Variants in TOP1MT observed in about 807,000 individuals in gnomAD.
TOP1MT encodes DNA topoisomerase I, mitochondrial.
In TOP1MT, 80 loss-of-function variants were observed where a neutral mutation model predicts 73.9. The observed-to-expected ratio is 1.08, with a 90% CI of 0.90 to 1.30. The LOEUF (loss-of-function observed/expected upper bound fraction) is 1.30, where lower values mean the gene tolerates loss of function less well. Among genes scored for constraint, TOP1MT ranks in the 50% most tolerant of loss-of-function variants. The pLI is 0.00. For missense variants in TOP1MT, 815 were observed against 808.0 expected (o/e 1.01, Z -0.10); for synonymous variants, 338 against 326.4 (o/e 1.04, Z -0.38).
chr8:143,350,911 C>T (rs1817308854), intron 1 of TOP1MT, among the ~76,000 whole-genome samples: 1 of 152,144 alleles, frequency 6.6e-6, no homozygotes, highest in South Asian at 2.1e-4. Context: ...TTGAGTCTGG[C>T]TCCTGGGTCC....
upstream of TOP1MT, among the ~76,000 whole-genome samples, chr8:143,335,611 C>T (rs989189212): frequency 2.6e-5 from 4 of 152,252 alleles, no homozygotes; most frequent in Non-Finnish European, 1.5e-5. Context: ...CAGCACTTGG[C>T]GGTAGGCCCT....
At chr8:143,321,544 C>CCA (rs1348281116) in intron 7 of TOP1MT, among the ~76,000 whole-genome samples, 158 bp from the exon 8 acceptor site, 36 of 112,408 alleles carry the variant, frequency 3.2e-4, no homozygotes, top group African/African-American at 1.0e-3. Context: ...CACACGCACG[C>CCA]CACACACGCA....
chr8:143,317,681 C>T (rs1243361452), intron 10 of TOP1MT, 42 bp downstream of exon 10: 6 of 1,446,358 alleles, frequency 4.1e-6, no homozygotes, highest in Non-Finnish European at 4.6e-6. Flanking sequence ...GGGCAGGGGC[C>T]GTGCTCCCCC....
chr8:143,325,975 G>A lies in TOP1MT; in HGVS notation c.483+247C>T, dbSNP rs976111472. Reference sequence around the variant, plus strand: ...AAGCCCCGCCCTCAGCCCACGGCCCGTCTGGGAACCCACCCTTGATCAATG... The same window carrying A: ...AAGCCCCGCCCTCAGCCCACGGCCCATCTGGGAACCCACCCTTGATCAATG... On this transcript the variant is annotated intron_variant, in intron 4 of 13. Coordinates refer to ENST00000329245, the MANE Select transcript of TOP1MT (RefSeq NM_052963.3). Among the ~76,000 whole-genome samples, 12 of 152,210 alleles carry A rather than the reference G, an allele frequency of 7.9e-5. No individual in the cohort carries two copies. In the East Asian group the frequency reaches 9.6e-4, roughly 12 times the overall value.
intron 9 of TOP1MT, 72 bp from the exon 10 acceptor site, chr8:143,317,909 G>T: frequency 6.3e-7 from 1 of 1,594,994 alleles, no homozygotes; most frequent in South Asian, 1.1e-5. Flanking sequence ...GGAAGGAAAG[G>T]ACATGTCAGC....
chr8:143,329,066 A>T (rs1163950359), intron 3 of TOP1MT, among the ~76,000 whole-genome samples: 1 of 152,122 alleles, frequency 6.6e-6, no homozygotes, highest in African/African-American at 2.4e-5. Flanking sequence ...AAGGACCACA[A>T]ATCGGCCTCC....
chr8:143,325,598 G>C, intron 4 of TOP1MT, 65 bp from the exon 5 acceptor site: 1 of 1,490,050 alleles, frequency 6.7e-7, no homozygotes. Flanking sequence ...TCAGTCCGTT[G>C]TTGCTAACCC....
At chr8:143,321,453 A>ACC (rs1816348001) in intron 7 of TOP1MT, 67 bp from the exon 8 acceptor site, 1 of 790,314 alleles carries the variant, frequency 1.3e-6, no homozygotes, top group Admixed American at 6.1e-5. Context: ...CGCACGCCAC[A>ACC]CACACGCACG....
At chr8:143,358,390 A>T (rs1364762894), upstream of TOP1MT, among the ~76,000 whole-genome samples, 1 of 152,112 alleles carries the variant, frequency 6.6e-6, no homozygotes, top group Non-Finnish European at 1.5e-5. Context: ...CCCTGTTCTG[A>T]TCCTGGGCTG....
chr8:143,309,984 A>G (rs2129804139), intron 13 of TOP1MT, 84 bp downstream of exon 13: 1 of 1,597,546 alleles, frequency 6.3e-7, no homozygotes, highest in Non-Finnish European at 8.5e-7. Context: ...GACAAGGGCA[A>G]TGCTGGGACT....
chr8:143,311,170 T>G (rs906179683), intron 12 of TOP1MT, among the ~76,000 whole-genome samples: 1 of 147,086 alleles, frequency 6.8e-6, no homozygotes, highest in Non-Finnish European at 1.5e-5. Context: ...GGTTTCACCA[T>G]GTTGGCCATG....
intron 6 of TOP1MT, 99 bp from the exon 7 acceptor site, chr8:143,324,241 C>T: frequency 1.3e-6 from 2 of 1,520,516 alleles, no homozygotes; most frequent in Non-Finnish European, 1.8e-6. Flanking sequence ...TGCTTCTCCA[C>T]TCAGTGGTGC....
intron 2 of TOP1MT, chr8:143,343,149 A>G (rs1817161988): frequency 2.2e-6 from 1 of 455,866 alleles, no homozygotes; most frequent in Non-Finnish European, 4.4e-6. Flanking sequence ...AGCATTCATC[A>G]GGCATGAGTG....
At chr8:143,352,679 T>C (rs1817341245) in intron 1 of TOP1MT, among the ~76,000 whole-genome samples, 1 of 152,204 alleles carries the variant, frequency 6.6e-6, no homozygotes, top group South Asian at 2.1e-4. Flanking sequence ...CAGGCTGCAG[T>C]AAAGTGGCAC....
In TOP1MT at chr8:143,323,879, C is replaced by T. The variant is rs532840301; in HGVS notation, c.960+120G>A. On this transcript the variant is annotated intron_variant, in intron 7 of 13. Coordinates refer to ENST00000329245, the MANE Select transcript of TOP1MT (RefSeq NM_052963.3). ...CGTGTGCACATGCACACACCCCCCC[C>T]ATCAGAATGAGGTTCCACCCCACAC... is the stretch of plus-strand genomic sequence containing the variant. The T allele has an allele frequency of 4.5e-6, 5 of 1,103,420 alleles. No individual in the cohort carries two copies. The East Asian group carries it at 1.2e-4, about 26-fold the overall frequency. 68.4% of individuals were successfully genotyped at this position (1,103,420 alleles called of 1,614,324 possible). A position where few individuals can be genotyped will look rare whatever the true frequency, so the allele number is the denominator to read the frequency against.
intron 7 of TOP1MT, among the ~76,000 whole-genome samples, chr8:143,321,804 G>A (rs191892349): frequency 0.11 from 2,255 of 21,196 alleles, 180 homozygotes; most frequent in East Asian, 0.33. Flanking sequence ...CGCCACACAC[G>A]CACGCTACAC....
chr8:143,311,741 C>CT (rs1816019892), intron 12 of TOP1MT, among the ~76,000 whole-genome samples: 1 of 72,964 alleles, frequency 1.4e-5, no homozygotes, highest in African/African-American at 5.6e-5. Flanking sequence ...GTGAGAGACT[C>CT]TGTGTCAAAA....
intron 2 of TOP1MT, among the ~76,000 whole-genome samples, chr8:143,342,144 TTATTA>T (rs1240836929): frequency 7.6e-6 from 1 of 131,868 alleles, no homozygotes; most frequent in Non-Finnish European, 1.5e-5. Context: ...GTTATTATTA[TTATTA>T]TTAGAGACAG....
upstream of TOP1MT, among the ~76,000 whole-genome samples, chr8:143,345,607 A>G (rs1313847024): frequency 6.6e-6 from 1 of 152,258 alleles, no homozygotes; most frequent in Non-Finnish European, 1.5e-5. Context: ...AAATTAAAAT[A>G]CAGATAAGGC....
Sources: gnomAD v4.1 joint callset for allele counts (sites outside exome capture counted in the v4.1 genomes callset) on GRCh38, gnomAD v4.1.1 for gene constraint, MANE v1.5 for transcripts, NCBI Gene and HGNC (gene_info 2026-07-23, HGNC 2026-07-21) for gene names.